The following SRCIN1 variants were observed in gnomAD, a reference collection of about 807,000 sequenced individuals.
SRCIN1 encodes the protein P130Cas-associated protein.
Under a neutral mutation model 116.2 loss-of-function variants are expected in SRCIN1, and 50 were observed. The ratio of observed to expected loss-of-function variants is 0.43; its 90% CI spans 0.34 to 0.54. The LOEUF is 0.54. SRCIN1 is among the 20% of genes least tolerant of loss of function. SRCIN1 has a pLI of 0.02. For missense variants in SRCIN1, 1,446 were observed against 1,672.0 expected (o/e 0.86, Z 2.36); for synonymous variants, 736 against 750.0 (o/e 0.98, Z 0.30).
At chr17:38,546,900 CCTT>C (rs1279992295) in intron 17 of SRCIN1, among the ~76,000 whole-genome samples, 1 of 125,388 alleles carries the variant, frequency 8.0e-6, no homozygotes, top group East Asian at 2.5e-4. Context: ...GGGAGGCTCT[CCTT>C]CTCCAGAGCG....
chr17:38,599,523 C>T (rs1908905546), intron 1 of SRCIN1, among the ~76,000 whole-genome samples: 1 of 152,200 alleles, frequency 6.6e-6, no homozygotes. Flanking sequence ...TGCTCACAGA[C>T]CACCGTCATT....
chr17:38,564,352 G>GCCC (rs1460555136), intron 3 of SRCIN1, 39 bp from the exon 4 acceptor site: 1 of 1,431,610 alleles, frequency 7.0e-7, no homozygotes, highest in African/African-American at 2.0e-5. Flanking sequence ...CCAAGGATGA[G>GCCC]CACCCCCCCT....
chr17:38,566,566 G>A (rs980578095), intron 3 of SRCIN1, among the ~76,000 whole-genome samples: 9 of 152,234 alleles, frequency 5.9e-5, no homozygotes, highest in Non-Finnish European at 1.2e-4. Flanking sequence ...CCAGGGAGCA[G>A]CTCATGGATC....
At chr17:38,560,446 G>A in intron 7 of SRCIN1, 21 bp from the exon 8 acceptor site, 2 of 1,592,086 alleles carry the variant, frequency 1.3e-6, no homozygotes, top group Non-Finnish European at 1.7e-6. Flanking sequence ...AGGGGGTCTG[G>A]GCAACCTCGC....
Position 38,551,395 on chromosome 17 carries a change from C to A in SRCIN1, c.2728-6G>T. 1 of 1,596,966 alleles carries A rather than the reference C, an allele frequency of 6.3e-7. No individual in the cohort carries two copies. The highest frequency in any genetic ancestry group is 1.1e-5 in the South Asian group (1 of 88,634). ...TCCCAGTCTCGCTCTGCAGCCTTAA[C>A]AGGGAGCCAGGAGTCAGGATTGAGG... is the stretch of plus-strand genomic sequence containing the variant. On this transcript the variant is annotated splice_region_variant and splice_polypyrimidine_tract_variant and intron_variant, in intron 14 of 18. Transcript: ENST00000617146.
chr17:38,574,945 G>A, intron 2 of SRCIN1: 1 of 401,202 alleles, frequency 2.5e-6, no homozygotes, highest in South Asian at 1.3e-4. Context: ...AGCTGAGGAG[G>A]CATACGGGGT....
At chr17:38,535,040 G>A (rs972971413) in intron 18 of SRCIN1, among the ~76,000 whole-genome samples, 22 of 152,124 alleles carry the variant, frequency 1.4e-4, no homozygotes, top group Non-Finnish European at 2.4e-4. Flanking sequence ...GCTGAGGTGG[G>A]AGAATGGCCT....
Position 38,562,704 on chromosome 17 carries a change from C to A in SRCIN1, c.834+123G>T. On this transcript the variant is annotated intron_variant, in intron 6 of 18. Coordinates refer to ENST00000617146, the MANE Select transcript of SRCIN1 (RefSeq NM_025248.3). This position sits in a 1 kb window ranked among gnomAD's most constrained non-coding sequence, Gnocchi z 4.2. ...GTGGGACAGGGGCTCTTCCCTAACCCCTCAGCCCCTATGCTGTCTTCTCCA... is the reference window on the plus strand; with the variant it reads ...GTGGGACAGGGGCTCTTCCCTAACCACTCAGCCCCTATGCTGTCTTCTCCA... The A allele has an allele frequency of 1.2e-6, 1 of 838,644 alleles. No individual in the cohort carries two copies. The highest frequency in any genetic ancestry group is 1.5e-5 in the South Asian group (1 of 65,112). The allele number at this position is 838,644 out of a possible 1,614,324, so 52.0% of individuals were successfully genotyped here. A position where few individuals can be genotyped will look rare whatever the true frequency, so the allele number is the denominator to read the frequency against.
chr17:38,561,357 C>A (rs117540231), intron 7 of SRCIN1, 106 bp downstream of exon 7: 4 of 1,327,360 alleles, frequency 3.0e-6, no homozygotes, highest in Non-Finnish European at 3.9e-6. Flanking sequence ...CCAAAGGACT[C>A]CAGGATCTCA....
At chr17:38,575,947 G>C (rs8079189) in intron 2 of SRCIN1, among the ~76,000 whole-genome samples, 8 of 152,138 alleles carry the variant, frequency 5.3e-5, no homozygotes, top group Non-Finnish European at 1.0e-4. Context: ...GCAAGTGAAC[G>C]GGCCATAGAT....
chr17:38,540,045 T>C (rs1284048912), intron 18 of SRCIN1, among the ~76,000 whole-genome samples: 1 of 134,820 alleles, frequency 7.4e-6, no homozygotes, highest in Non-Finnish European at 1.6e-5. Flanking sequence ...AAAAAAAAAG[T>C]ATCTTCATTT....
chr17:38,534,577 G>T (rs368950947), intron 18 of SRCIN1, among the ~76,000 whole-genome samples: 1 of 152,196 alleles, frequency 6.6e-6, no homozygotes, highest in Non-Finnish European at 1.5e-5. Context: ...CCACCCTGAG[G>T]TTAGGTCTGG....
intron 1 of SRCIN1, among the ~76,000 whole-genome samples, chr17:38,592,668 T>C (rs1908503137): frequency 6.6e-6 from 1 of 152,196 alleles, no homozygotes; most frequent in Non-Finnish European, 1.5e-5. Flanking sequence ...GTAAAGTATC[T>C]AGCACAGTGC....
At position 38,552,131 on chromosome 17, in the gene SRCIN1, G is replaced by A; in HGVS notation, c.2482C>T (p.Gln828Ter). The change falls in exon 14 of 19, where the codon CAA becomes TAA. Residue 828 changes from glutamine to a stop codon, truncating the protein, a stop_gained and splice_region_variant. Coordinates refer to ENST00000617146, the MANE Select transcript of SRCIN1 (RefSeq NM_025248.3). LOFTEE classifies it high-confidence loss of function. This position sits in a 1 kb window ranked among gnomAD's most constrained non-coding sequence, Gnocchi z 5.3. ...GGTGGCCACACACCCTCATCCACTT[G>A]CCTGGGGTTGGGAGAGTTGGGAGCA... ...VTDTLAQIRR[Q>*]VDEGVWPPPN... 6.2e-7 allele frequency: 1 copy of A among 1,608,944 alleles called. No homozygotes were observed. The highest frequency in any genetic ancestry group is 8.5e-7 in the Non-Finnish European group (1 of 1,176,812).
At position 38,552,763 on chromosome 17, in the gene SRCIN1, A is replaced by G. The variant is rs1405209579; in HGVS notation, c.2294T>C (p.Val765Ala). The G allele has an allele frequency of 6.2e-7, 1 of 1,613,928 alleles. No homozygotes were observed. The highest frequency in any genetic ancestry group is 8.5e-7 in the Non-Finnish European group (1 of 1,179,872). Reference protein sequence around the residue: ...PGPELEEKALVLKQLGETLTE... With the variant: ...PGPELEEKALALKQLGETLTE... ...CAGCGTCTCCCCGAGCTGCTTCAGC[A>G]CCAGTGCCTTCTCCTCCAGCTCAGG... Residue 765 changes from valine (V) to alanine (A), a missense_variant, in exon 12 of 19, where the codon GTG becomes GCG. Val to Ala is a moderately conservative substitution (Grantham distance 64, BLOSUM62 0). Transcript: ENST00000617146. This position sits in a 1 kb window ranked among gnomAD's most constrained non-coding sequence, Gnocchi z 5.3.
chr17:38,575,161 G>A (rs1567874353), intron 2 of SRCIN1, among the ~76,000 whole-genome samples: 1 of 152,222 alleles, frequency 6.6e-6, no homozygotes, highest in Non-Finnish European at 1.5e-5. Context: ...GCCCTGCTCT[G>A]TTTCTGGATG....
At chr17:38,535,499 G>A (rs1407482107) in intron 18 of SRCIN1, among the ~76,000 whole-genome samples, 1 of 152,068 alleles carries the variant, frequency 6.6e-6, no homozygotes, top group Non-Finnish European at 1.5e-5. Context: ...GAACCACCGC[G>A]CCTGGCCCTG....
At chr17:38,594,616 G>A (rs901548059) in intron 1 of SRCIN1, among the ~76,000 whole-genome samples, 13 of 143,036 alleles carry the variant, frequency 9.1e-5, no homozygotes, top group Admixed American at 2.8e-4. Context: ...TGTGGGCCAA[G>A]TCTGGGCCCA....
intron 2 of SRCIN1, among the ~76,000 whole-genome samples, chr17:38,575,868 C>A (rs2143298357): frequency 6.6e-6 from 1 of 152,332 alleles, no homozygotes; most frequent in East Asian, 1.9e-4. Flanking sequence ...TCATTCCTCC[C>A]TCATTCTCTC....
Sources: gnomAD v4.1 joint callset for allele counts (sites outside exome capture counted in the v4.1 genomes callset) on GRCh38, gnomAD v4.1.1 for gene constraint, Gnocchi (gnomAD v3.1) non-coding constraint, MANE v1.5 for transcripts, NCBI Gene and HGNC (gene_info 2026-07-23, HGNC 2026-07-21) for gene names.